Variants in ATF3 observed in about 807,000 individuals in gnomAD.
The protein encoded by ATF3 is activating transcription factor 3.
Under a neutral mutation model 18.4 loss-of-function variants are expected in ATF3, and 10 were observed. The ratio of observed to expected loss-of-function variants is 0.54; its 90% confidence interval spans 0.34 to 0.92. The LOEUF is 0.92. Ranked by LOEUF, ATF3 falls within the 40% of genes least tolerant of loss-of-function variation. The probability of loss-of-function intolerance (pLI) is 0.02; values close to 1 mark genes in which losing one functional copy is unlikely to be tolerated. For missense variants in ATF3, 183 were observed against 222.3 expected (o/e 0.82, Z 1.12); for synonymous variants, 78 against 87.9 (o/e 0.89, Z 0.63).
intron 1 of ATF3, among the ~76,000 whole-genome samples, chr1:212,592,184 A>G (rs1307252976): frequency 1.3e-5 from 2 of 151,988 alleles, no homozygotes; most frequent in African/African-American, 4.8e-5. Context: ...CCTAGTAACC[A>G]CTATTCTACT....
chr1:212,582,243 C>T (rs906849277), intron 1 of ATF3, among the ~76,000 whole-genome samples: 9 of 152,206 alleles, frequency 5.9e-5, no homozygotes, highest in African/African-American at 2.2e-4. Context: ...GGCAACCCTT[C>T]CCACCTCAGA....
At chr1:212,610,631 C>T (rs1156849914) in intron 1 of ATF3, among the ~76,000 whole-genome samples, 1 of 152,202 alleles carries the variant, frequency 6.6e-6, no homozygotes, top group Non-Finnish European at 1.5e-5. Flanking sequence ...CTCTCTTCCT[C>T]CTTGCCCTTT....
chr1:212,576,838 C>T (rs1664590431), intron 1 of ATF3, among the ~76,000 whole-genome samples: 2 of 144,512 alleles, frequency 1.4e-5, no homozygotes, highest in South Asian at 4.4e-4. Context: ...AGTGATTCTC[C>T]TACCTCAGCC....
intron 1 of ATF3, among the ~76,000 whole-genome samples, chr1:212,575,338 T>C (rs1664554644): frequency 6.6e-6 from 1 of 152,146 alleles, no homozygotes; most frequent in Non-Finnish European, 1.5e-5. Context: ...CAATTATATT[T>C]TCTAATTAGT....
chr1:212,612,303 CG>C (rs1200270823), intron 1 of ATF3, among the ~76,000 whole-genome samples: 2 of 152,010 alleles, frequency 1.3e-5, no homozygotes, highest in African/African-American at 4.8e-5. Flanking sequence ...GGGTAGGGGG[CG>C]GGAGTCATAA....
intron 1 of ATF3, among the ~76,000 whole-genome samples, chr1:212,584,931 G>A (rs1475975491): frequency 6.6e-6 from 1 of 152,188 alleles, no homozygotes; most frequent in Non-Finnish European, 1.5e-5. Flanking sequence ...GAGGATACCT[G>A]GGACAGAGAC....
intron 1 of ATF3, among the ~76,000 whole-genome samples, chr1:212,587,487 T>G (rs114007979): frequency 6.6e-6 from 1 of 152,160 alleles, no homozygotes; most frequent in Admixed American, 6.5e-5. Context: ...CAATCTCTAG[T>G]CTGTACCTCT....
At chr1:212,568,577 C>T (rs1475931532) in intron 1 of ATF3, among the ~76,000 whole-genome samples, 1 of 152,142 alleles carries the variant, frequency 6.6e-6, no homozygotes, top group African/African-American at 2.4e-5. Flanking sequence ...TAAATTTAAG[C>T]CAGTCCATTC....
In ATF3 at chr1:212,595,610, A is replaced by T. The variant is rs530632025; in HGVS notation, c.-4-19408A>T. ...GAAACCATTACTCGAATTGGGATGGATAGATGCTGAATGGCCAAGAAACAA... is the reference window on the plus strand; with the variant it reads ...GAAACCATTACTCGAATTGGGATGGTTAGATGCTGAATGGCCAAGAAACAA... On this transcript the variant is annotated intron_variant, in intron 1 of 3. Transcript: ENST00000366981. 9.9e-5 allele frequency among the ~76,000 whole-genome samples: 15 copies of T among 152,194 alleles called. 1 individual carries two copies. In the East Asian group the frequency reaches 2.7e-3, roughly 27 times the overall value.
At position 212,618,455 on chromosome 1, in the gene ATF3, C is replaced by T. The variant is rs1441738558; in HGVS notation, c.348+221C>T. On this transcript the variant is annotated intron_variant, in intron 3 of 3. Transcript: ENST00000341491. The surrounding 1 kb of genome is among the most constrained non-coding windows in gnomAD (Gnocchi z 4.4). ...ATGTATAAAAACAGGTGTGTGAATT[C>T]GTCTGATGCCTGACTCCCAGCAGCC... The T allele has an allele frequency of 8.9e-6, 5 of 564,698 alleles. No homozygotes were observed. Among genetic ancestry groups the T allele is most frequent in the South Asian group, 1.9e-5 (1 of 51,582 alleles). The allele number at this position is 564,698 out of a possible 1,614,324, so 35.0% of individuals were successfully genotyped here.
intron 1 of ATF3, among the ~76,000 whole-genome samples, chr1:212,599,490 G>A (rs941192317): frequency 2.0e-5 from 3 of 152,126 alleles, no homozygotes; most frequent in Non-Finnish European, 2.9e-5. Context: ...GTAATTATCC[G>A]TAAATTTCCA....
intron 1 of ATF3, among the ~76,000 whole-genome samples, chr1:212,567,111 C>T (rs983472059): frequency 4.6e-5 from 7 of 152,244 alleles, no homozygotes; most frequent in Middle Eastern, 3.4e-3. Context: ...AATATAATTT[C>T]TCTTCCCGCC....
chr1:212,589,181 G>A (rs981633067), intron 1 of ATF3, among the ~76,000 whole-genome samples: 3 of 152,094 alleles, frequency 2.0e-5, no homozygotes, highest in African/African-American at 7.2e-5. Context: ...AGCACTCCCG[G>A]GTTGACACAG....
At chr1:212,577,959 G>A in intron 1 of ATF3, among the ~76,000 whole-genome samples, 1 of 152,118 alleles carries the variant, frequency 6.6e-6, no homozygotes, top group Non-Finnish European at 1.5e-5. Context: ...TGGATTGCTG[G>A]ATCATATGGT....
At chr1:212,578,740 T>G (rs975791482) in intron 1 of ATF3, among the ~76,000 whole-genome samples, 3 of 152,208 alleles carry the variant, frequency 2.0e-5, no homozygotes, top group East Asian at 1.9e-4. Context: ...ATGTTTGTTT[T>G]GTTTGGTTTT....
chr1:212,571,240 C>T (rs1047622352), intron 1 of ATF3, among the ~76,000 whole-genome samples: 5 of 151,988 alleles, frequency 3.3e-5, no homozygotes, highest in African/African-American at 7.3e-5. Flanking sequence ...CATGTGCTTC[C>T]GGTTTTTCTT....
At chr1:212,565,851 T>G (rs954629746) in intron 1 of ATF3, among the ~76,000 whole-genome samples, 1 of 152,186 alleles carries the variant, frequency 6.6e-6, no homozygotes, top group Non-Finnish European at 1.5e-5. Context: ...ATACCACTAG[T>G]CAGTGCTGTA....
chr1:212,618,444 G>A lies in ATF3; in HGVS notation c.348+210G>A, dbSNP rs574087506. 8 of 599,466 alleles carry A rather than the reference G, an allele frequency of 1.3e-5. No homozygotes were observed. Among genetic ancestry groups the A allele is most frequent in the South Asian group, 5.5e-5 (3 of 54,612 alleles). The allele number at this position is 599,466 out of a possible 1,614,324, so 37.1% of individuals were successfully genotyped here. A position where few individuals can be genotyped will look rare whatever the true frequency, so the allele number is the denominator to read the frequency against. On this transcript the variant is annotated intron_variant, in intron 3 of 3. Transcript: ENST00000341491. This position sits in a 1 kb window ranked among gnomAD's most constrained non-coding sequence, Gnocchi z 4.4. ...TGTGACGGTGGATGTATAAAAACAG[G>A]TGTGTGAATTCGTCTGATGCCTGAC...
At chr1:212,575,465 C>T (rs777813012) in intron 1 of ATF3, among the ~76,000 whole-genome samples, 2 of 152,022 alleles carry the variant, frequency 1.3e-5, no homozygotes, top group Non-Finnish European at 2.9e-5. Context: ...TGTAGACAAT[C>T]ACATTTTCAG....
Sources: gnomAD v4.1 joint callset for allele counts (sites outside exome capture counted in the v4.1 genomes callset) on GRCh38, gnomAD v4.1.1 for gene constraint, Gnocchi (gnomAD v3.1) non-coding constraint, MANE v1.5 for transcripts, NCBI Gene and HGNC (gene_info 2026-07-23, HGNC 2026-07-21) for gene names.